NTM: variants seen among roughly 807,000 people sequenced by gnomAD.
NTM encodes the protein neurotrimin.
A neutral mutation model predicts 42.1 loss-of-function variants in NTM; 13 were observed. That is an observed-to-expected ratio of 0.31 (90% confidence interval 0.20 to 0.49). NTM has a LOEUF of 0.49. NTM is among the 20% of genes least tolerant of loss of function. NTM has a pLI of 0.99. For missense variants in NTM, 373 were observed against 452.8 expected (o/e 0.82, Z 1.60); for synonymous variants, 187 against 179.2 (o/e 1.04, Z -0.35).
At chr11:131,834,931 A>T (rs541676873) in intron 1 of NTM, among the ~76,000 whole-genome samples, 1 of 150,758 alleles carries the variant, frequency 6.6e-6, no homozygotes, top group Admixed American at 6.6e-5. Context: ...GGTAGCTAAA[A>T]TCCTCAGAGA....
At chr11:132,115,373 A>G (rs961202228) in intron 2 of NTM, among the ~76,000 whole-genome samples, 10 of 152,236 alleles carry the variant, frequency 6.6e-5, no homozygotes, top group Admixed American at 1.3e-4. Context: ...GCCTGGTTGC[A>G]GTGATCATTT....
chr11:131,631,276 A>C (rs2137776066), intron 1 of NTM, among the ~76,000 whole-genome samples: 1 of 152,344 alleles, frequency 6.6e-6, no homozygotes, highest in South Asian at 2.1e-4. Context: ...CAGTAACTGC[A>C]GTGTGTGTGT....
At chr11:131,409,098 C>T (rs1946106958) in intron 1 of NTM, among the ~76,000 whole-genome samples, 1 of 152,198 alleles carries the variant, frequency 6.6e-6, no homozygotes, top group Admixed American at 6.5e-5. Flanking sequence ...GGAACACTGT[C>T]CCCACTAACT....
rs201355838 is a variant in NTM, at chr11:132,107,340, T to TTC, written c.168-38941_168-38940insCT. ...GGTAGTTCAAGTAAAAGATTTATCCTTTTTTTTTTTTTTTTTTTTTTTTTT... is the reference window on the plus strand; with the variant it reads ...GGTAGTTCAAGTAAAAGATTTATCCTTCTTTTTTTTTTTTTTTTTTTTTTTTT... On this transcript the variant is annotated intron_variant, in intron 2 of 8. Transcript: ENST00000683400. Among the ~76,000 whole-genome samples the TTC allele has an allele frequency of 5.5e-3, 472 of 85,358 alleles. 18 individuals carry two copies. Among genetic ancestry groups the TTC allele is most frequent in the African/African-American group, 0.011 (198 of 18,416 alleles). The allele number at this position is 85,358 out of a possible 152,430, so 56.0% of individuals were successfully genotyped here. A position where few individuals can be genotyped will look rare whatever the true frequency, so the allele number is the denominator to read the frequency against.
At chr11:132,144,349 T>G (rs1211480945) in intron 2 of NTM, among the ~76,000 whole-genome samples, 2 of 152,194 alleles carry the variant, frequency 1.3e-5, no homozygotes, top group Non-Finnish European at 2.9e-5. Flanking sequence ...AGGGGGCTCA[T>G]GTGCACCGTA....
chr11:131,428,484 A>G (rs1279559568), intron 1 of NTM, among the ~76,000 whole-genome samples: 1 of 151,878 alleles, frequency 6.6e-6, no homozygotes, highest in Non-Finnish European at 1.5e-5. Context: ...CCTGCTTTGG[A>G]TGGTGGCCCT....
intron 3 of NTM, among the ~76,000 whole-genome samples, chr11:132,165,645 T>G (rs945231319): frequency 3.3e-5 from 5 of 151,874 alleles, no homozygotes; most frequent in East Asian, 3.9e-4. Flanking sequence ...TCAGGGGGGG[T>G]TTAGTCTTGC....
chr11:131,916,075 C>G (rs147501275), intron 2 of NTM, among the ~76,000 whole-genome samples: 61 of 152,316 alleles, frequency 4.0e-4, no homozygotes, highest in African/African-American at 1.3e-3. Context: ...CCTTGTGAGG[C>G]AGAGTACACC....
At chr11:132,100,000 C>T (rs1349067231) in intron 2 of NTM, among the ~76,000 whole-genome samples, 1 of 152,168 alleles carries the variant, frequency 6.6e-6, no homozygotes, top group Non-Finnish European at 1.5e-5. Context: ...TCACCACCCC[C>T]TAAACTTCTC....
intron 1 of NTM, among the ~76,000 whole-genome samples, chr11:131,429,252 G>C (rs1016900594): frequency 1.3e-5 from 2 of 152,158 alleles, no homozygotes; most frequent in African/African-American, 4.8e-5. Context: ...TGCCAAGGGA[G>C]GGGGTAGCTG....
chr11:131,619,896 G>A (rs931926467), intron 1 of NTM, among the ~76,000 whole-genome samples: 7 of 150,784 alleles, frequency 4.6e-5, no homozygotes, highest in South Asian at 4.2e-4. Context: ...CCTCTGCCTC[G>A]TGGGTTCAAG....
chr11:131,521,242 G>T (rs1316160765), intron 1 of NTM, among the ~76,000 whole-genome samples: 3 of 151,222 alleles, frequency 2.0e-5, no homozygotes, highest in Non-Finnish European at 2.9e-5. Flanking sequence ...TTGGACCCGG[G>T]AAGTGGAGGT....
intron 4 of NTM, among the ~76,000 whole-genome samples, chr11:132,293,593 C>A (rs756192196): frequency 6.6e-6 from 1 of 151,846 alleles, no homozygotes; most frequent in Non-Finnish European, 1.5e-5. Flanking sequence ...GAGATTTACG[C>A]GTCTACAGGA....
intron 4 of NTM, among the ~76,000 whole-genome samples, chr11:132,223,204 A>G (rs1486112277): frequency 1.3e-5 from 2 of 152,252 alleles, no homozygotes; most frequent in Non-Finnish European, 2.9e-5. Flanking sequence ...CTAGAGACCT[A>G]TGAGTGAACA....
chr11:131,837,856 G>A (rs1003873655), intron 1 of NTM, among the ~76,000 whole-genome samples: 33 of 152,198 alleles, frequency 2.2e-4, no homozygotes, highest in African/African-American at 8.0e-4. Context: ...TGTTCTAACT[G>A]GAGATGACTT....
intron 2 of NTM, among the ~76,000 whole-genome samples, chr11:132,076,673 T>G (rs1735355563): frequency 6.6e-6 from 1 of 152,184 alleles, no homozygotes; most frequent in African/African-American, 2.4e-5. Flanking sequence ...AGTTTGAACA[T>G]GCATCCATGT....
At position 132,063,553 on chromosome 11, in the gene NTM, C is replaced by G. The variant is rs546991291; in HGVS notation, c.168-82729C>G. On this transcript the variant is annotated intron_variant, in intron 2 of 8. Transcript: ENST00000683400. ...GTACCCTGTTCAGAGATGCACTGAG[C>G]CAGCAGAGCCTGAAAAGCTACTGGA... Among the ~76,000 whole-genome samples, 28 of 152,302 alleles carry G rather than the reference C, an allele frequency of 1.8e-4. No individual in the cohort carries two copies. The East Asian group carries it at 3.7e-3, about 20-fold the overall frequency.
intron 4 of NTM, among the ~76,000 whole-genome samples, chr11:132,229,912 A>C (rs994334803): frequency 6.6e-6 from 1 of 152,234 alleles, no homozygotes; most frequent in South Asian, 2.1e-4. Flanking sequence ...TCCACTGTAC[A>C]GTAGCTACTT....
chr11:131,682,034 C>T (rs545197714), intron 1 of NTM, among the ~76,000 whole-genome samples: 1 of 152,272 alleles, frequency 6.6e-6, no homozygotes, highest in East Asian at 1.9e-4. Flanking sequence ...GGAAAAAGTA[C>T]ACCGAGGACC....
Sources: gnomAD v4.1 joint callset for allele counts (sites outside exome capture counted in the v4.1 genomes callset) on GRCh38, gnomAD v4.1.1 for gene constraint, MANE v1.5 for transcripts, NCBI Gene and HGNC (gene_info 2026-07-23, HGNC 2026-07-21) for gene names.